Variants in KCNMB2 observed in about 807,000 individuals in gnomAD.
KCNMB2 encodes calcium-activated potassium channel subunit beta-2.
KCNMB2 carries 9 observed loss-of-function variants against 24.5 expected under a neutral mutation model. That is an observed-to-expected ratio of 0.37 (90% CI 0.22 to 0.64). The LOEUF (loss-of-function observed/expected upper bound fraction) is 0.64, where lower values mean the gene tolerates loss of function less well. KCNMB2 is among the 30% of genes least tolerant of loss of function. The pLI, the probability that KCNMB2 is intolerant of heterozygous loss-of-function variation, is 0.63. For missense variants in KCNMB2, 226 were observed against 284.3 expected (o/e 0.79, Z 1.47); for synonymous variants, 109 against 104.4 (o/e 1.04, Z -0.27).
At chr3:178,704,654 T>C (rs965643082) in intron 1 of KCNMB2, among the ~76,000 whole-genome samples, 3 of 152,144 alleles carry the variant, frequency 2.0e-5, no homozygotes, top group African/African-American at 7.2e-5. Flanking sequence ...GATACCTTGT[T>C]GGAAGGGAGA....
At chr3:178,639,084 A>C (rs1246225247) in intron 1 of KCNMB2, among the ~76,000 whole-genome samples, 1 of 152,016 alleles carries the variant, frequency 6.6e-6, no homozygotes, top group African/African-American at 2.4e-5. Context: ...GATTTTTTTT[A>C]ATTTCTATAA....
intron 1 of KCNMB2, among the ~76,000 whole-genome samples, chr3:178,610,635 A>G (rs1475504922): frequency 6.6e-6 from 1 of 152,202 alleles, no homozygotes; most frequent in Non-Finnish European, 1.5e-5. Flanking sequence ...TATCAGTTCT[A>G]ATAGTTTTCT....
At chr3:178,692,737 T>C (rs1422970750) in intron 1 of KCNMB2, among the ~76,000 whole-genome samples, 1 of 152,124 alleles carries the variant, frequency 6.6e-6, no homozygotes, top group Non-Finnish European at 1.5e-5. Context: ...GCTTTTGTTG[T>C]GTTTTGTTTT....
intron 1 of KCNMB2, among the ~76,000 whole-genome samples, chr3:178,569,399 C>T (rs901056731): frequency 6.6e-6 from 1 of 152,124 alleles, no homozygotes; most frequent in African/African-American, 2.4e-5. Context: ...GGGCGCACTA[C>T]CCTTTGATTC....
chr3:178,791,271 A>G (rs1201063692), intron 1 of KCNMB2, among the ~76,000 whole-genome samples: 1 of 152,262 alleles, frequency 6.6e-6, no homozygotes, highest in African/African-American at 2.4e-5. Flanking sequence ...TAAATTTAAC[A>G]AAGAGATTGA....
chr3:178,813,541 C>G (rs1714277679), intron 2 of KCNMB2, among the ~76,000 whole-genome samples: 1 of 152,068 alleles, frequency 6.6e-6, no homozygotes, highest in Admixed American at 6.6e-5. Flanking sequence ...GTTTTGATTT[C>G]CCTATTTGTA....
chr3:178,676,361 G>C (rs1721070520), intron 1 of KCNMB2, among the ~76,000 whole-genome samples: 1 of 152,206 alleles, frequency 6.6e-6, no homozygotes, highest in African/African-American at 2.4e-5. Flanking sequence ...CTGACTGACA[G>C]ACATGTGGAG....
intron 1 of KCNMB2, among the ~76,000 whole-genome samples, chr3:178,690,154 C>A (rs73045977): frequency 1.3e-5 from 2 of 152,084 alleles, no homozygotes; most frequent in African/African-American, 4.8e-5. Flanking sequence ...ATAACTTATC[C>A]TTTGCCAAAA....
At chr3:178,769,293 T>C (rs1712247429) in intron 1 of KCNMB2, among the ~76,000 whole-genome samples, 1 of 152,194 alleles carries the variant, frequency 6.6e-6, no homozygotes, top group African/African-American at 2.4e-5. Context: ...CTTTCACTGC[T>C]TAATGAAAGT....
chr3:178,810,104 G>A (rs919427783), intron 2 of KCNMB2, among the ~76,000 whole-genome samples: 1 of 151,972 alleles, frequency 6.6e-6, no homozygotes, highest in African/African-American at 2.4e-5. Context: ...ACTTTGAGCA[G>A]TATCTGTGGC....
intron 1 of KCNMB2, among the ~76,000 whole-genome samples, chr3:178,785,452 T>C (rs1713063253): frequency 6.6e-6 from 1 of 151,978 alleles, no homozygotes; most frequent in Non-Finnish European, 1.5e-5. Context: ...AATATAGTAT[T>C]ACAAACATAA....
rs550493511 is a variant in KCNMB2 at position 178,539,069 on chromosome 3, A to G, written c.-68+2358A>G. Among the ~76,000 whole-genome samples the G allele has an allele frequency of 9.7e-4, 147 of 152,330 alleles. 1 individual carries two copies. Among genetic ancestry groups the G allele is most frequent in the African/African-American group, 3.4e-3 (142 of 41,582 alleles). ...GGGTAACACAGCCATCGTATCAGTC[A>G]CCAAGACACTTAGAATCCAGAGTTG... On this transcript the variant is annotated intron_variant, in intron 1 of 4. Coordinates refer to ENST00000452583, the MANE Select transcript of KCNMB2 (RefSeq NM_181361.3).
At chr3:178,625,825 A>C (rs918317312) in intron 1 of KCNMB2, among the ~76,000 whole-genome samples, 1 of 152,148 alleles carries the variant, frequency 6.6e-6, no homozygotes, top group African/African-American at 2.4e-5. Context: ...TTCTTACATA[A>C]ATCAGGGGTC....
intron 1 of KCNMB2, among the ~76,000 whole-genome samples, chr3:178,665,401 G>T (rs953054064): frequency 6.6e-6 from 1 of 152,084 alleles, no homozygotes; most frequent in Admixed American, 6.6e-5. Context: ...AAAATACTGA[G>T]CTGGCAACCC....
At chr3:178,633,577 C>A (rs565226070) in intron 1 of KCNMB2, among the ~76,000 whole-genome samples, 1 of 152,316 alleles carries the variant, frequency 6.6e-6, no homozygotes, top group East Asian at 1.9e-4. Flanking sequence ...TGAGGCTGCA[C>A]ACAGTGGTCA....
chr3:178,831,793 G>A (rs935993952), intron 4 of KCNMB2, among the ~76,000 whole-genome samples: 1 of 152,034 alleles, frequency 6.6e-6, no homozygotes, highest in African/African-American at 2.4e-5. Context: ...ACTACATAGG[G>A]TACTATGCTT....
intron 1 of KCNMB2, among the ~76,000 whole-genome samples, chr3:178,738,916 C>T (rs1357759389): frequency 6.7e-6 from 1 of 149,732 alleles, no homozygotes; most frequent in Non-Finnish European, 1.5e-5. Context: ...CCATGATGTG[C>T]CTGCAATGAA....
chr3:178,561,738 C>G (rs1016227437), intron 1 of KCNMB2, among the ~76,000 whole-genome samples: 4 of 152,130 alleles, frequency 2.6e-5, no homozygotes, highest in African/African-American at 9.7e-5. Flanking sequence ...AATACAGCAG[C>G]CTTTTAGCTA....
intron 4 of KCNMB2, among the ~76,000 whole-genome samples, chr3:178,837,127 A>G (rs1435732258): frequency 1.3e-5 from 2 of 152,228 alleles, no homozygotes; most frequent in African/African-American, 4.8e-5. Flanking sequence ...GATGACAGCC[A>G]TTAAACAGGA....
Sources: gnomAD v4.1 joint callset for allele counts (sites outside exome capture counted in the v4.1 genomes callset) on GRCh38, gnomAD v4.1.1 for gene constraint, MANE v1.5 for transcripts, NCBI Gene and HGNC (gene_info 2026-07-23, HGNC 2026-07-21) for gene names.